SH3GL3: variants seen among roughly 807,000 people sequenced by gnomAD.
The protein encoded by SH3GL3 is SH3 domain containing GRB2 like 3, endophilin A3.
SH3GL3 carries 33 observed loss-of-function variants against 47.7 expected under a neutral mutation model. The ratio of observed to expected loss-of-function variants is 0.69; its 90% CI spans 0.52 to 0.92. The LOEUF is 0.92. Ranked by LOEUF, SH3GL3 falls within the 40% of genes least tolerant of loss-of-function variation. The probability of loss-of-function intolerance (pLI) is 0.00; values close to 1 mark genes in which losing one functional copy is unlikely to be tolerated. For synonymous variants in SH3GL3, 155 were observed against 148.8 expected (o/e 1.04, Z -0.30); for missense variants, 363 against 417.8 (o/e 0.87, Z 1.14).
At chr15:83,559,217 A>G in intron 1 of SH3GL3, 36 bp from the exon 2 acceptor site, 1 of 1,181,748 alleles carries the variant, frequency 8.5e-7, no homozygotes, top group Non-Finnish European at 1.3e-6. Flanking sequence ...ACAAGAAATC[A>G]TTGTACAATG....
chr15:83,479,843 T>C (rs2041265612), intron 1 of SH3GL3, among the ~76,000 whole-genome samples: 1 of 152,152 alleles, frequency 6.6e-6, no homozygotes, highest in African/African-American at 2.4e-5. Flanking sequence ...CCACACTACT[T>C]ATTATGCCTG....
chr15:83,622,384 A>G (rs188366319), downstream of SH3GL3, among the ~76,000 whole-genome samples: 249 of 152,366 alleles, frequency 1.6e-3, 2 homozygotes, highest in South Asian at 9.7e-3. Context: ...ATGTCACATT[A>G]GGAATTTACC....
chr15:83,494,481 C>G (rs964171618), intron 1 of SH3GL3, among the ~76,000 whole-genome samples: 2 of 151,988 alleles, frequency 1.3e-5, no homozygotes, highest in Admixed American at 1.3e-4. Flanking sequence ...ATCCTTTGAC[C>G]AGGGCCATAT....
intron 1 of SH3GL3, among the ~76,000 whole-genome samples, chr15:83,493,450 C>T (rs894252830): frequency 1.3e-5 from 2 of 152,210 alleles, no homozygotes; most frequent in African/African-American, 4.8e-5. Flanking sequence ...AAATGATCCT[C>T]TTCCCAGCCA....
intron 1 of SH3GL3, among the ~76,000 whole-genome samples, chr15:83,460,060 C>CCCTCCCTG (rs2040210358): frequency 1.9e-5 from 1 of 51,796 alleles, no homozygotes; most frequent in Non-Finnish European, 3.8e-5. Context: ...CTCCCTGCCT[C>CCCTCCCTG]CCTCCCTCCC....
chr15:83,458,270 A>G (rs1190259692), intron 1 of SH3GL3, among the ~76,000 whole-genome samples: 2 of 152,206 alleles, frequency 1.3e-5, no homozygotes, highest in South Asian at 2.1e-4. Context: ...CATTGTTTCC[A>G]GTTCTAACTA....
At chr15:83,521,764 T>G (rs2043215158) in intron 1 of SH3GL3, among the ~76,000 whole-genome samples, 1 of 152,166 alleles carries the variant, frequency 6.6e-6, no homozygotes, top group African/African-American at 2.4e-5. Flanking sequence ...GAATGCTCAT[T>G]TTGTTGCTAC....
At chr15:83,524,007 G>A (rs2043315536) in intron 1 of SH3GL3, among the ~76,000 whole-genome samples, 1 of 150,916 alleles carries the variant, frequency 6.6e-6, no homozygotes, top group South Asian at 2.1e-4. Context: ...AAAGTTAGTA[G>A]GAACTGGTAA....
At chr15:83,548,395 C>T (rs938577687) in intron 1 of SH3GL3, among the ~76,000 whole-genome samples, 12 of 149,550 alleles carry the variant, frequency 8.0e-5, no homozygotes, top group African/African-American at 2.9e-4. Flanking sequence ...TATAAATTCA[C>T]ATATATTACA....
At chr15:83,491,719 C>T (rs962102716) in intron 1 of SH3GL3, among the ~76,000 whole-genome samples, 1 of 152,184 alleles carries the variant, frequency 6.6e-6, no homozygotes, top group Admixed American at 6.5e-5. Context: ...AATCTGCTGG[C>T]AAGGCCTTTG....
intron 1 of SH3GL3, among the ~76,000 whole-genome samples, chr15:83,515,512 G>A (rs2042943086): frequency 6.6e-6 from 1 of 151,822 alleles, no homozygotes; most frequent in South Asian, 2.1e-4. Context: ...GGGGTAAAGG[G>A]AGCCCATGCA....
chr15:83,617,057 C>G (rs2060842818), intron 8 of SH3GL3, among the ~76,000 whole-genome samples: 1 of 152,184 alleles, frequency 6.6e-6, no homozygotes. Context: ...AATCTGAAAG[C>G]TAGCCCAGTT....
intron 1 of SH3GL3, among the ~76,000 whole-genome samples, chr15:83,535,115 T>C (rs2043848511): frequency 6.6e-6 from 1 of 152,058 alleles, no homozygotes; most frequent in Admixed American, 6.6e-5. Context: ...GCAAACACTA[T>C]CATAGATCAA....
chr15:83,532,440 G>A (rs917932806), intron 1 of SH3GL3, among the ~76,000 whole-genome samples: 1 of 152,120 alleles, frequency 6.6e-6, no homozygotes, highest in African/African-American at 2.4e-5. Flanking sequence ...AAGGAGGAAG[G>A]GGATGATATT....
At chr15:83,550,607 C>T (rs2044614148) in intron 1 of SH3GL3, among the ~76,000 whole-genome samples, 1 of 152,118 alleles carries the variant, frequency 6.6e-6, no homozygotes, top group African/African-American at 2.4e-5. Context: ...CCAGGCTGGT[C>T]TCAAACTCCT....
intron 1 of SH3GL3, among the ~76,000 whole-genome samples, chr15:83,508,836 C>T (rs1348222664): frequency 2.0e-5 from 3 of 151,996 alleles, no homozygotes; most frequent in Non-Finnish European, 2.9e-5. Flanking sequence ...CCTCGTGATC[C>T]GCTTGCTTCA....
chr15:83,609,510 G>C (rs2060609535), intron 8 of SH3GL3: 1 of 340,238 alleles, frequency 2.9e-6, no homozygotes, highest in Non-Finnish European at 5.9e-6. Context: ...CCCCAACAGG[G>C]ACTTATGTTG....
At chr15:83,501,919 C>A (rs1181016514) in intron 1 of SH3GL3, among the ~76,000 whole-genome samples, 1 of 152,132 alleles carries the variant, frequency 6.6e-6, no homozygotes, top group Non-Finnish European at 1.5e-5. Context: ...AAAAGACTTA[C>A]TGGCTTCTTT....
chr15:83,568,532 A>G lies in SH3GL3; in HGVS notation c.191A>G (p.Tyr64Cys). ...TTEYLQPNPA[Y>C]RAKLGMLNTV... is the part of the protein sequence containing the mutation. ...TACAAATGACAATGTTTTTAAGCAT[A>G]CAGAGCTAAGCTAGGAATGCTGAAC... Residue 64 changes from tyrosine to cysteine, a missense_variant, in exon 4 of 9, where the codon TAC (tyrosine) becomes TGC (cysteine). Transcript: ENST00000427482. The G allele has an allele frequency of 6.2e-7, 1 of 1,612,612 alleles. No individual in the cohort carries two copies.
Sources: allele counts gnomAD v4.1 joint callset (sites outside exome capture counted in the v4.1 genomes callset), GRCh38; gene constraint gnomAD v4.1.1; transcripts MANE v1.5; gene names NCBI Gene and HGNC (gene_info 2026-07-23, HGNC 2026-07-21).